SPATS2: variants seen among roughly 807,000 people sequenced by gnomAD.
The protein encoded by SPATS2 is spermatogenesis associated serine rich 2, also known as spermatogenesis-associated serine-rich protein 2.
Under a neutral mutation model 63.7 loss-of-function variants are expected in SPATS2, and 38 were observed. The observed-to-expected ratio is 0.60, with a 90% CI of 0.46 to 0.78. The LOEUF is 0.78. Ranked by LOEUF, SPATS2 falls within the 30% of genes least tolerant of loss-of-function variation. SPATS2 has a pLI of 0.00. For synonymous variants in SPATS2, 207 were observed against 232.9 expected, an observed-to-expected ratio of 0.89 and a Z score of 1.01; for missense variants, 588 against 666.2, an observed-to-expected ratio of 0.88 and a Z score of 1.29.
chr12:49,453,198 G>A (rs550226959), intron 2 of SPATS2, among the ~76,000 whole-genome samples: 35 of 151,300 alleles, frequency 2.3e-4, no homozygotes, highest in African/African-American at 8.3e-4. Flanking sequence ...GTCTGTTTGC[G>A]AAGTGTAGCA....
At chr12:49,426,353 TGACCAGTATTCTGATTTATATCACAA>T (rs1247438226) in intron 2 of SPATS2, among the ~76,000 whole-genome samples, 1 of 152,198 alleles carries the variant, frequency 6.6e-6, no homozygotes, top group Non-Finnish European at 1.5e-5. Context: ...ATTCTCTCCC[TGACCAGTATTCTGATTTATATCACAA>T]GACCAGTATT....
intron 3 of SPATS2, among the ~76,000 whole-genome samples, chr12:49,466,862 T>C (rs1945925312): frequency 6.6e-6 from 1 of 152,154 alleles, no homozygotes; most frequent in African/African-American, 2.4e-5. Flanking sequence ...GAGAGTGCAC[T>C]GTATCAGTAG....
At chr12:49,400,675 A>G (rs1452345385) in intron 2 of SPATS2, among the ~76,000 whole-genome samples, 1 of 152,128 alleles carries the variant, frequency 6.6e-6, no homozygotes, top group African/African-American at 2.4e-5. Context: ...AAGGGCAGCA[A>G]CTAGGAGTAA....
At chr12:49,398,921 A>T (rs1050717136) in intron 2 of SPATS2, among the ~76,000 whole-genome samples, 1 of 152,178 alleles carries the variant, frequency 6.6e-6, no homozygotes, top group African/African-American at 2.4e-5. Context: ...TACAATTTCA[A>T]TGAAAACAGC....
chr12:49,444,046 C>T (rs1330818262), intron 2 of SPATS2, among the ~76,000 whole-genome samples: 2 of 151,948 alleles, frequency 1.3e-5, no homozygotes, highest in East Asian at 1.9e-4. Flanking sequence ...GACTGTATTA[C>T]GCTTATAAAT....
intron 2 of SPATS2, among the ~76,000 whole-genome samples, chr12:49,424,752 C>T (rs909148118): frequency 6.6e-6 from 1 of 152,184 alleles, no homozygotes; most frequent in Non-Finnish European, 1.5e-5. Context: ...TCTTGGCTCA[C>T]TGCAACCTCC....
intron 2 of SPATS2, among the ~76,000 whole-genome samples, chr12:49,433,409 G>A (rs543532042): frequency 3.4e-4 from 52 of 152,160 alleles, no homozygotes; most frequent in Non-Finnish European, 6.5e-4. Context: ...GTGATCTGCC[G>A]ACCTCGGCCT....
intron 9 of SPATS2, among the ~76,000 whole-genome samples, chr12:49,503,119 A>G (rs1162703201): frequency 1.3e-5 from 2 of 152,146 alleles, no homozygotes; most frequent in Non-Finnish European, 2.9e-5. Context: ...TGGGAGGCCA[A>G]GGCGGGCAGA....
chr12:49,446,932 C>CTT (rs568526407), intron 2 of SPATS2, among the ~76,000 whole-genome samples: 39 of 142,858 alleles, frequency 2.7e-4, no homozygotes, highest in African/African-American at 3.6e-4. Flanking sequence ...CTTTTCTTTT[C>CTT]TTTTTTTTTT....
chr12:49,489,625 TGCTTC>T (rs1389718204), intron 5 of SPATS2, 52 bp downstream of exon 5: 1 of 1,501,150 alleles, frequency 6.7e-7, no homozygotes, highest in Non-Finnish European at 9.1e-7. Context: ...AAATAGAATT[TGCTTC>T]AGACTTTTAT....
At chr12:49,459,685 G>C (rs112351768) in intron 2 of SPATS2, among the ~76,000 whole-genome samples, 2 of 143,180 alleles carry the variant, frequency 1.4e-5, no homozygotes, top group Non-Finnish European at 3.0e-5. Flanking sequence ...GCTGTTCTTC[G>C]TGCCTCTAAG....
intron 2 of SPATS2, among the ~76,000 whole-genome samples, chr12:49,435,615 C>T (rs1457924102): frequency 2.7e-5 from 4 of 149,550 alleles, no homozygotes; most frequent in Admixed American, 1.3e-4. Context: ...TGTGAGCCAC[C>T]GTGCCCGGCT....
At chr12:49,489,381 C>G (rs1202398690) in intron 4 of SPATS2, 84 bp from the exon 5 acceptor site, 4 of 964,234 alleles carry the variant, frequency 4.1e-6, no homozygotes, top group Non-Finnish European at 6.3e-6. Context: ...TGAAATATCA[C>G]TCTTTTCATT....
intron 2 of SPATS2, among the ~76,000 whole-genome samples, chr12:49,373,278 A>G (rs1944034506): frequency 1.3e-5 from 2 of 151,964 alleles, no homozygotes; most frequent in Non-Finnish European, 2.9e-5. Context: ...CCAGCCTCAC[A>G]TTGCATTTTC....
chr12:49,470,005 G>T (rs1946005668), intron 3 of SPATS2, among the ~76,000 whole-genome samples: 1 of 151,942 alleles, frequency 6.6e-6, no homozygotes, highest in South Asian at 2.1e-4. Context: ...TCAAAGACAA[G>T]ATTTTATTCT....
intron 3 of SPATS2, among the ~76,000 whole-genome samples, chr12:49,483,641 T>C (rs996724239): frequency 2.6e-5 from 4 of 152,190 alleles, no homozygotes; most frequent in Non-Finnish European, 4.4e-5. Context: ...GCAAAATAAT[T>C]TGGAAAGTGT....
intron 2 of SPATS2, among the ~76,000 whole-genome samples, chr12:49,416,165 T>G (rs994900797): frequency 6.6e-6 from 1 of 152,142 alleles, no homozygotes; most frequent in Non-Finnish European, 1.5e-5. Context: ...TTCTGATGTT[T>G]GGGCTTGGCT....
chr12:49,516,365 T>TA (rs56878784), intron 10 of SPATS2, among the ~76,000 whole-genome samples: 4 of 146,000 alleles, frequency 2.7e-5, no homozygotes, highest in East Asian at 2.0e-4. Context: ...GTCTTGAAAT[T>TA]AAAAAAAAAG....
At chr12:49,462,510 G>A (rs1168116857) in intron 3 of SPATS2, 1 of 695,362 alleles carries the variant, frequency 1.4e-6, no homozygotes, top group Non-Finnish European at 2.6e-6. Flanking sequence ...CCGTGTGTGG[G>A]GTGGCTGCCC....
Sources: gnomAD v4.1 joint callset for allele counts (sites outside exome capture counted in the v4.1 genomes callset) on GRCh38, gnomAD v4.1.1 for gene constraint, MANE v1.5 for transcripts, NCBI Gene and HGNC (gene_info 2026-07-23, HGNC 2026-07-21) for gene names.